The following ITGA6 variants were observed in gnomAD, a reference collection of about 807,000 sequenced individuals.
ITGA6 encodes integrin alpha-6.
In ITGA6, 63 loss-of-function variants were observed where a neutral mutation model predicts 133.6. The observed-to-expected ratio is 0.47, with a 90% confidence interval of 0.38 to 0.58. The LOEUF is 0.58. Among genes scored for constraint, ITGA6 ranks in the 20% least tolerant of loss-of-function variants. The probability of loss-of-function intolerance (pLI) is 0.00; values close to 1 mark genes in which losing one functional copy is unlikely to be tolerated. For missense variants in ITGA6, 1,068 were observed against 1,309.4 expected (o/e 0.82, Z 2.85); for synonymous variants, 434 against 482.0 (o/e 0.90, Z 1.30).
At chr2:172,477,689 T>G (rs1290459367) in intron 9 of ITGA6, among the ~76,000 whole-genome samples, 4 of 152,234 alleles carry the variant, frequency 2.6e-5, no homozygotes, top group Non-Finnish European at 5.9e-5. Context: ...ACTTGTTCCC[T>G]CTTTACTTGC....
At position 172,444,511 on chromosome 2, in the gene ITGA6, C is replaced by A. The variant is rs12471399; in HGVS notation, c.182+16541C>A. 4.4e-3 allele frequency among the ~76,000 whole-genome samples: 674 copies of A among 152,140 alleles called. 16 individuals are homozygous for A. Among genetic ancestry groups the A allele is most frequent in the Admixed American group, 0.04 (605 of 15,274 alleles). On this transcript the variant is annotated intron_variant, in intron 1 of 25. Transcript: ENST00000684293. ...CAACATGACATGCAAGAGAAACATT[C>A]ATTGGAGCATTTCGGATTTTGGATT...
chr2:172,454,605 C>A (rs147869259), intron 1 of ITGA6, among the ~76,000 whole-genome samples: 119 of 152,276 alleles, frequency 7.8e-4, no homozygotes, highest in African/African-American at 2.8e-3. Context: ...GAATAAGAGG[C>A]TGTTTGGATT....
chr2:172,446,400 G>A (rs1684770062), intron 1 of ITGA6, among the ~76,000 whole-genome samples: 1 of 151,428 alleles, frequency 6.6e-6, no homozygotes, highest in Non-Finnish European at 1.5e-5. Context: ...TAATATTTAT[G>A]CTTGGTACAC....
intron 11 of ITGA6, among the ~76,000 whole-genome samples, chr2:172,482,544 T>G (rs985147093): frequency 2.6e-5 from 4 of 152,122 alleles, no homozygotes; most frequent in Non-Finnish European, 5.9e-5. Flanking sequence ...GTGGACTGTC[T>G]GGAGGGTTAG....
intron 25 of ITGA6, 73 bp downstream of exon 25, chr2:172,501,974 C>G: frequency 3.7e-6 from 5 of 1,349,248 alleles, no homozygotes; most frequent in Non-Finnish European, 5.2e-6. Flanking sequence ...TTAAGAACAA[C>G]AGCTTGCTAT....
intron 11 of ITGA6, among the ~76,000 whole-genome samples, chr2:172,481,967 G>A (rs1178180855): frequency 1.3e-5 from 2 of 152,166 alleles, no homozygotes; most frequent in East Asian, 1.9e-4. Flanking sequence ...AGAGAGACAA[G>A]GAGAAAACAG....
chr2:172,475,742 A>G, intron 8 of ITGA6, 57 bp downstream of exon 8: 2 of 939,464 alleles, frequency 2.1e-6, no homozygotes, highest in South Asian at 2.6e-5. Context: ...CCCTATAATA[A>G]AATATTTAGG....
chr2:172,490,951 T>G, intron 20 of ITGA6, 73 bp from the exon 21 acceptor site: 1 of 836,278 alleles, frequency 1.2e-6, no homozygotes, highest in Non-Finnish European at 2.1e-6. Flanking sequence ...TGGGAGGATA[T>G]GCTCAAGAGG....
At chr2:172,482,702 A>G (rs1686499609) in intron 11 of ITGA6, among the ~76,000 whole-genome samples, 1 of 152,190 alleles carries the variant, frequency 6.6e-6, no homozygotes, top group Admixed American at 6.5e-5. Context: ...TCACTTATAA[A>G]TGGATGATGT....
chr2:172,480,500 G>A (rs139142314), intron 11 of ITGA6, among the ~76,000 whole-genome samples: 6,375 of 152,126 alleles, frequency 0.042, 185 homozygotes, highest in Admixed American at 0.073. Context: ...TCTTCCCCAC[G>A]CCCCTCCCTC....
At chr2:172,487,935 C>T (rs1290237887) in intron 17 of ITGA6, 26 bp from the exon 18 acceptor site, 1 of 1,599,658 alleles carries the variant, frequency 6.3e-7, no homozygotes. Flanking sequence ...TAAAATACAA[C>T]CCTATTGTTT....
intron 5 of ITGA6, chr2:172,472,899 C>T: frequency 6.7e-7 from 1 of 1,499,480 alleles, no homozygotes; most frequent in Non-Finnish European, 9.3e-7. Context: ...AGGTTTGTGA[C>T]CTCTGCGACG....
At position 172,482,797 on chromosome 2, in the gene ITGA6, C is replaced by A. The variant is rs1471362840; in HGVS notation, c.1550-1985C>A. Among the ~76,000 whole-genome samples the A allele has an allele frequency of 4.6e-5, 7 of 152,324 alleles. No homozygotes were observed. In the East Asian group the frequency reaches 1.3e-3, roughly 29 times the overall value. On this transcript the variant is annotated intron_variant, in intron 11 of 25. Coordinates refer to ENST00000684293, the MANE Select transcript of ITGA6 (RefSeq NM_000210.4). ...ATTCTCCAGATGGACACAAAAATTA[C>A]TATTGAAACTGTCAGTGTTTCTAAA...
At position 172,498,015 on chromosome 2, in the gene ITGA6, A is replaced by G; in HGVS notation, c.3029A>G (p.Tyr1010Cys). ...TVFPSKTVAQYSGVPWWIILV... is the reference protein window; with the variant it reads ...TVFPSKTVAQCSGVPWWIILV... ...TTTCCCTCAAAGACTGTAGCTCAGTATTCGGGAGTACCTTGGTGGATCATC... is the reference window on the plus strand; with the variant it reads ...TTTCCCTCAAAGACTGTAGCTCAGTGTTCGGGAGTACCTTGGTGGATCATC... Residue 1010 changes from tyrosine (Y) to cysteine (C), a missense_variant, in exon 24 of 26, where the codon TAT becomes TGT. Transcript: ENST00000684293. The G allele has an allele frequency of 1.2e-6, 2 of 1,613,886 alleles. No homozygotes were observed. The highest frequency in any genetic ancestry group is 1.1e-5 in the South Asian group (1 of 91,074).
At chr2:172,429,096 A>G (rs1293816973) in intron 1 of ITGA6, among the ~76,000 whole-genome samples, 4 of 152,176 alleles carry the variant, frequency 2.6e-5, no homozygotes, top group African/African-American at 9.7e-5. Flanking sequence ...ATGGGATTTT[A>G]GAACTGGAGG....
Position 172,502,141 on chromosome 2 carries a change from C to T in ITGA6, c.*22+240C>T, listed in dbSNP as rs2293646. On this transcript the variant is annotated intron_variant, in intron 25 of 25. Coordinates refer to ENST00000684293, the MANE Select transcript of ITGA6 (RefSeq NM_000210.4). The stretch of plus-strand genomic sequence containing the variant: ...TTTTATGTTCTTGTTAAATATCTAC[C>T]ACAGCAATGAAGAAAATTTGCAATA... Among the ~76,000 whole-genome samples, 11,722 of 151,960 alleles carry T rather than the reference C, an allele frequency of 0.077. 1,324 individuals are homozygous for T. Among genetic ancestry groups the T allele is most frequent in the East Asian group, 0.51 (2,651 of 5,164 alleles).
chr2:172,481,793 A>G (rs1435424547), intron 11 of ITGA6, among the ~76,000 whole-genome samples: 3 of 152,304 alleles, frequency 2.0e-5, no homozygotes, highest in African/African-American at 7.2e-5. Context: ...TGTCGAGTGT[A>G]GAAAGCAATT....
intron 24 of ITGA6, among the ~76,000 whole-genome samples, chr2:172,501,040 T>C (rs1374733631): frequency 1.3e-5 from 2 of 152,180 alleles, no homozygotes; most frequent in Non-Finnish European, 1.5e-5. Flanking sequence ...CCTTATGAAC[T>C]AGATAAAAGT....
chr2:172,442,225 C>G (rs1684573900), intron 1 of ITGA6, among the ~76,000 whole-genome samples: 1 of 152,216 alleles, frequency 6.6e-6, no homozygotes, highest in South Asian at 2.1e-4. Flanking sequence ...AGGTGCCTGA[C>G]TCAGGCCACT....
Sources: allele counts gnomAD v4.1 joint callset (sites outside exome capture counted in the v4.1 genomes callset), GRCh38; gene constraint gnomAD v4.1.1; transcripts MANE v1.5; gene names NCBI Gene and HGNC (gene_info 2026-07-23, HGNC 2026-07-21).